PHACTR2: variants seen among roughly 807,000 people sequenced by gnomAD.
PHACTR2 encodes the protein chromosome 6 open reading frame 56.
A neutral mutation model predicts 76.0 loss-of-function variants in PHACTR2; 30 were observed. The ratio of observed to expected loss-of-function variants is 0.39; its 90% confidence interval spans 0.30 to 0.54. The LOEUF is 0.54. Among genes scored for constraint, PHACTR2 ranks in the 20% least tolerant of loss-of-function variants. PHACTR2 has a pLI of 0.61. For synonymous variants in PHACTR2, 292 were observed against 292.5 expected (o/e 1.00, Z 0.02); for missense variants, 696 against 781.1 (o/e 0.89, Z 1.30).
chr6:143,810,948 T>C (rs1776161826), intron 12 of PHACTR2, among the ~76,000 whole-genome samples: 1 of 152,182 alleles, frequency 6.6e-6, no homozygotes, highest in Non-Finnish European at 1.5e-5. Context: ...TGTTGCAATA[T>C]TTTTTCCAAT....
At chr6:143,771,210 A>ATG (rs1554227206) in intron 6 of PHACTR2, among the ~76,000 whole-genome samples, 1 of 79,196 alleles carries the variant, frequency 1.3e-5, no homozygotes, top group African/African-American at 6.8e-5. Context: ...ATATATATAT[A>ATG]TATATATATA....
Position 143,558,622 on chromosome 6 carries a change from A to T in PHACTR2, c.217+21415A>T, listed in dbSNP as rs76479365. Among the ~76,000 whole-genome samples the T allele has an allele frequency of 6.1e-3, 934 of 152,226 alleles. 21 individuals are homozygous for T. The East Asian group carries it at 0.09, about 15-fold the overall frequency. The stretch of plus-strand genomic sequence containing the variant: ...TCCTGTCTCCTTTGTCATTTTCTTT[A>T]GTAATATTCTGGGTAGAGAAAGGTA... On this transcript the variant is annotated intron_variant, in intron 1 of 11. Coordinates refer to the PHACTR2 transcript ENST00000367584. The surrounding 1 kb of genome is among the most constrained non-coding windows in gnomAD (Gnocchi z 4.7).
intron 2 of PHACTR2, among the ~76,000 whole-genome samples, chr6:143,746,797 A>G (rs1779077408): frequency 6.6e-6 from 1 of 152,110 alleles, no homozygotes; most frequent in Non-Finnish European, 1.5e-5. Context: ...ACTGTATTTA[A>G]ATAACAACAC....
chr6:143,765,742 C>G lies in PHACTR2; in HGVS notation c.1176C>G (p.Asn392Lys), dbSNP rs192416921. 6.2e-7 allele frequency: 1 copy of G among 1,614,260 alleles called. No individual in the cohort carries two copies. Among genetic ancestry groups the G allele is most frequent in the East Asian group, 2.2e-5 (1 of 44,890 alleles). The change falls in exon 6 of 13, where the codon AAC (asparagine) becomes AAG (lysine). Residue 392 changes from asparagine (N) to lysine (K), a missense_variant. By Grantham distance (94) the Asn-to-Lys change is moderately conservative. This residue lies in a region of PHACTR2 where 236 missense variants were observed against 330.2 expected (regional missense o/e 0.71). Transcript: ENST00000440869. This position sits in a 1 kb window ranked among gnomAD's most constrained non-coding sequence, Gnocchi z 4.1. ...TTCTTTGGGCTGAAGAGCCGACGAA[C>G]AGAACCACTCTCTACTCAGGCACTG... The part of the protein sequence containing the change: ...SQLLWAEEPT[N>K]RTTLYSGTGL...
Position 143,775,341 on chromosome 6 carries a change from G to A in PHACTR2, c.1589+1126G>A, listed in dbSNP as rs183116666. Among the ~76,000 whole-genome samples the A allele has an allele frequency of 1.3e-5, 2 of 152,124 alleles. No homozygotes were observed. Among genetic ancestry groups the A allele is most frequent in the Non-Finnish European group, 2.9e-5 (2 of 68,028 alleles). On this transcript the variant is annotated intron_variant, in intron 8 of 12. Coordinates refer to ENST00000440869, the MANE Select transcript of PHACTR2 (RefSeq NM_001100164.2). The surrounding 1 kb of genome is among the most constrained non-coding windows in gnomAD (Gnocchi z 4.4). ...GGAATGTTTACCAGTGGTCTCTCTC[G>A]CTCTCGTCTTCTTAATTCAGCCCTA...
Position 143,625,208 on chromosome 6 carries a change from T to A in PHACTR2, c.13+16886T>A, listed in dbSNP as rs1430850963. Among the ~76,000 whole-genome samples, 1 of 152,082 alleles carries A rather than the reference T, an allele frequency of 6.6e-6. No homozygotes were observed. Among genetic ancestry groups the A allele is most frequent in the African/African-American group, 2.4e-5 (1 of 41,418 alleles). The stretch of plus-strand genomic sequence containing the variant: ...GGAATATGGTGTTATGAATATTTGC[T>A]GAGGGCATCATGTGACTATCGTTTA... On this transcript the variant is annotated intron_variant, in intron 1 of 11. Transcript: ENST00000305766. This position sits in a 1 kb window ranked among gnomAD's most constrained non-coding sequence, Gnocchi z 4.3.
At position 143,807,768 on chromosome 6, in the gene PHACTR2, C is replaced by T. The variant is rs545750157; in HGVS notation, c.1922+635C>T. Among the ~76,000 whole-genome samples, 81 of 152,238 alleles carry T rather than the reference C, an allele frequency of 5.3e-4. No homozygotes were observed. The highest frequency in any genetic ancestry group is 1.8e-3 in the African/African-American group (73 of 41,538). On this transcript the variant is annotated intron_variant, in intron 12 of 12. Transcript: ENST00000440869. This position sits in a 1 kb window ranked among gnomAD's most constrained non-coding sequence, Gnocchi z 5.5. Reference sequence around the variant, plus strand: ...GATCGCTATCATCTTACCATTTTTCCCTCAGTCCCTTTCGGTTTCTTTCAC... The same window carrying T: ...GATCGCTATCATCTTACCATTTTTCTCTCAGTCCCTTTCGGTTTCTTTCAC...
At chr6:143,604,866 T>C (rs1377749090), upstream of PHACTR2, among the ~76,000 whole-genome samples, 3 of 139,736 alleles carry the variant, frequency 2.1e-5, no homozygotes, top group Non-Finnish European at 4.6e-5. Flanking sequence ...CACTCCAGCC[T>C]AGGCAACAGA....
rs984012676 is a variant in PHACTR2, at chr6:143,800,974, T to G, written c.1846-6083T>G. 2.6e-5 allele frequency among the ~76,000 whole-genome samples: 4 copies of G among 152,238 alleles called. No individual in the cohort carries two copies. In the East Asian group the frequency reaches 7.7e-4, roughly 29 times the overall value. On this transcript the variant is annotated intron_variant, in intron 11 of 12. Transcript: ENST00000440869. The surrounding 1 kb of genome is among the most constrained non-coding windows in gnomAD (Gnocchi z 4.8). ...TTATGAAGCTTAGTTCAGCTGGATATGAAATTTTGGGTTGAAAATTCTTTT... is the reference window on the plus strand; with the variant it reads ...TTATGAAGCTTAGTTCAGCTGGATAGGAAATTTTGGGTTGAAAATTCTTTT...
intron 11 of PHACTR2, among the ~76,000 whole-genome samples, chr6:143,790,731 T>G (rs538792542): frequency 1.3e-5 from 2 of 151,862 alleles, no homozygotes; most frequent in South Asian, 4.2e-4. Context: ...TGGAGTGCTG[T>G]GGCTCGATCT....
chr6:143,773,479 A>G (rs1562301978), intron 7 of PHACTR2, among the ~76,000 whole-genome samples: 2 of 151,568 alleles, frequency 1.3e-5, no homozygotes, highest in African/African-American at 4.9e-5. Context: ...AGTTATTACT[A>G]TATTAGTGAT....
chr6:143,728,207 T>TTTTC (rs1778619602), intron 2 of PHACTR2, among the ~76,000 whole-genome samples: 4 of 132,742 alleles, frequency 3.0e-5, no homozygotes, highest in Admixed American at 7.4e-5. Context: ...TTCCTTTTTT[T>TTTTC]TTTTCTTTCT....
intron 1 of PHACTR2, among the ~76,000 whole-genome samples, chr6:143,665,302 T>A (rs2128449288): frequency 6.6e-6 from 1 of 152,356 alleles, no homozygotes; most frequent in Middle Eastern, 3.4e-3. Context: ...ATTTGCCTTT[T>A]CTGTCTCCTG....
rs1457993644 is a variant in PHACTR2, at chr6:143,680,532, A to T, written c.46+2323A>T. 6.6e-6 allele frequency among the ~76,000 whole-genome samples: 1 copy of T among 152,170 alleles called. No homozygotes were observed. The highest frequency in any genetic ancestry group is 2.4e-5 in the African/African-American group (1 of 41,458). The stretch of plus-strand genomic sequence containing the variant: ...AAGTTAGCTTGCTTTCCCCGTTTTG[A>T]CTTTAGGCTCTCTAGAGCCTTTCAG... On this transcript the variant is annotated intron_variant, in intron 1 of 12. Transcript: ENST00000440869. This position sits in a 1 kb window ranked among gnomAD's most constrained non-coding sequence, Gnocchi z 4.5.
chr6:143,731,215 T>C lies in PHACTR2; in HGVS notation c.215-17770T>C, dbSNP rs1180888818. Among the ~76,000 whole-genome samples the C allele has an allele frequency of 6.6e-6, 1 of 152,224 alleles. No homozygotes were observed. The highest frequency in any genetic ancestry group is 6.5e-5 in the Admixed American group (1 of 15,282). ...TTTTTCTTTAGACCACTATTATGGTTGATTACATTGGCAGATTTTTGAATT... is the reference window on the plus strand; with the variant it reads ...TTTTTCTTTAGACCACTATTATGGTCGATTACATTGGCAGATTTTTGAATT... On this transcript the variant is annotated intron_variant, in intron 2 of 12. Transcript: ENST00000440869. The surrounding 1 kb of genome is among the most constrained non-coding windows in gnomAD (Gnocchi z 4.9).
At position 143,765,654 on chromosome 6, in the gene PHACTR2, C is replaced by T. The variant is rs1779545734; in HGVS notation, c.1088C>T (p.Thr363Ile). 1 of 1,614,220 alleles carries T rather than the reference C, an allele frequency of 6.2e-7. No individual in the cohort carries two copies. Among genetic ancestry groups the T allele is most frequent in the Admixed American group, 1.7e-5 (1 of 60,022 alleles). Residue 363 changes from threonine (T) to isoleucine (I), a missense_variant, in exon 6 of 13, where the codon ACT becomes ATT. Transcript: ENST00000440869. This position sits in a 1 kb window ranked among gnomAD's most constrained non-coding sequence, Gnocchi z 4.1. ...GATCAGTGCATTACTGCCTCAGACACTCCAGTTGTCCTCGTCAGCGTTGGA... is the reference window on the plus strand; with the variant it reads ...GATCAGTGCATTACTGCCTCAGACATTCCAGTTGTCCTCGTCAGCGTTGGA... ...LEDQCITASD[T>I]PVVLVSVGAD... is the part of the protein sequence containing the mutation.
At chr6:143,702,766 T>C (rs955514178) in intron 1 of PHACTR2, among the ~76,000 whole-genome samples, 2 of 137,098 alleles carry the variant, frequency 1.5e-5, no homozygotes, top group African/African-American at 5.3e-5. Flanking sequence ...TAAGAATATA[T>C]ATACAACTTT....
At chr6:143,686,023 T>C (rs1452456964) in intron 1 of PHACTR2, among the ~76,000 whole-genome samples, 1 of 151,688 alleles carries the variant, frequency 6.6e-6, no homozygotes, top group Non-Finnish European at 1.5e-5. Flanking sequence ...TCTCAGCTAC[T>C]TGAGAGGCTG....
rs370241099 is a variant in PHACTR2 at position 143,756,383 on chromosome 6, T to A, written c.454+2471T>A. Among the ~76,000 whole-genome samples the A allele has an allele frequency of 2.2e-4, 34 of 152,222 alleles. No homozygotes were observed. The South Asian group carries it at 2.5e-3, about 11-fold the overall frequency. Reference sequence around the variant, plus strand: ...TTGGTCTCCCATTATTCTTTCTCAGTAAGTGCCTTTATATATATAAGAGCA... The same window carrying A: ...TTGGTCTCCCATTATTCTTTCTCAGAAAGTGCCTTTATATATATAAGAGCA... On this transcript the variant is annotated intron_variant, in intron 4 of 12. Transcript: ENST00000440869.
Sources: gnomAD v4.1 joint callset for allele counts (sites outside exome capture counted in the v4.1 genomes callset) on GRCh38, gnomAD v4.1.1 for gene constraint, gnomAD v4.1.1 regional missense constraint, Gnocchi (gnomAD v3.1) non-coding constraint, MANE v1.5 for transcripts, NCBI Gene and HGNC (gene_info 2026-07-23, HGNC 2026-07-21) for gene names.